Variants in ANK3 observed in about 807,000 individuals in gnomAD.
The protein encoded by ANK3 is ankyrin-3.
In ANK3, 57 loss-of-function variants were observed where a neutral mutation model predicts 370.9. That is an observed-to-expected ratio of 0.15 (90% CI 0.12 to 0.19). The LOEUF is 0.19. ANK3 is among the 10% of genes least tolerant of loss of function. ANK3 has a pLI of 1.00. For missense variants in ANK3, 4,439 were observed against 5,302.1 expected, an observed-to-expected ratio of 0.84 and a Z score of 5.06; for synonymous variants, 1,929 against 1,946.3, an observed-to-expected ratio of 0.99 and a Z score of 0.23.
At chr10:60,392,907 T>C (rs555222994), upstream of ANK3, among the ~76,000 whole-genome samples, 1 of 151,776 alleles carries the variant, frequency 6.6e-6, no homozygotes, top group Non-Finnish European at 1.5e-5. Flanking sequence ...CCAGTCTGGG[T>C]GACAGAGCAA....
At position 60,084,376 on chromosome 10, in the gene ANK3, A is replaced by C; in HGVS notation, c.4074+226T>G. Reference sequence around the variant, plus strand: ...AGCTGAGACCGCGCCACTGCACTCCAGCCTCGGCAACAGAGCAAGGCTCCG... The same window carrying C: ...AGCTGAGACCGCGCCACTGCACTCCCGCCTCGGCAACAGAGCAAGGCTCCG... On this transcript the variant is annotated intron_variant, in intron 32 of 43. Transcript: ENST00000280772. 4.7e-5 allele frequency: 9 copies of C among 192,260 alleles called. No homozygotes were observed. The East Asian group carries it at 4.8e-4, about 10-fold the overall frequency. 11.9% of individuals were successfully genotyped at this position (192,260 alleles called of 1,614,324 possible). A position where few individuals can be genotyped will look rare whatever the true frequency, so the allele number is the denominator to read the frequency against.
At chr10:60,454,538 G>C (rs879662614) in intron 2 of ANK3, among the ~76,000 whole-genome samples, 4 of 152,046 alleles carry the variant, frequency 2.6e-5, no homozygotes, top group Non-Finnish European at 4.4e-5. Flanking sequence ...AGGGAAGAAG[G>C]CCAGGACAGT....
chr10:60,421,417 C>G (rs1472989212), intron 2 of ANK3, among the ~76,000 whole-genome samples: 3 of 152,022 alleles, frequency 2.0e-5, no homozygotes, highest in Non-Finnish European at 4.4e-5. Flanking sequence ...GTTGCAATCT[C>G]TGAGTACTCC....
intron 2 of ANK3, among the ~76,000 whole-genome samples, chr10:60,594,638 AT>A (rs1215357246): frequency 6.6e-6 from 1 of 152,174 alleles, no homozygotes; most frequent in Non-Finnish European, 1.5e-5. Context: ...TGTGAAAAAA[AT>A]ATATATAAGA....
chr10:60,315,178 G>A (rs1006363298), intron 1 of ANK3, among the ~76,000 whole-genome samples: 1 of 152,124 alleles, frequency 6.6e-6, no homozygotes, highest in Admixed American at 6.5e-5. Context: ...GAACTGTAGG[G>A]CCAGAGATAG....
At chr10:60,234,602 C>G in intron 8 of ANK3, 86 bp downstream of exon 8, 2 of 741,910 alleles carry the variant, frequency 2.7e-6, no homozygotes, top group South Asian at 3.2e-5. Flanking sequence ...AAACAAAGCT[C>G]ATGTTGTATC....
intron 1 of ANK3, among the ~76,000 whole-genome samples, chr10:60,724,167 G>A (rs896911582): frequency 2.6e-5 from 3 of 114,760 alleles, no homozygotes; most frequent in Admixed American, 1.2e-4. Context: ...CCGAGATCGC[G>A]CCACTGCACT....
chr10:60,290,910 G>T (rs1033075244), intron 1 of ANK3, among the ~76,000 whole-genome samples: 4 of 152,116 alleles, frequency 2.6e-5, no homozygotes, highest in African/African-American at 9.7e-5. Flanking sequence ...GTGTTTTCAA[G>T]AGATTTACCT....
chr10:60,430,746 G>T (rs535723679), intron 2 of ANK3, among the ~76,000 whole-genome samples: 1 of 152,164 alleles, frequency 6.6e-6, no homozygotes, highest in East Asian at 1.9e-4. Context: ...TCATTTCTCA[G>T]AAGGCTAAGT....
At chr10:60,470,978 A>T (rs1333673627) in intron 2 of ANK3, among the ~76,000 whole-genome samples, 1 of 152,006 alleles carries the variant, frequency 6.6e-6, no homozygotes, top group Non-Finnish European at 1.5e-5. Context: ...TATGTCTTTT[A>T]TCTCCCCTGG....
intron 1 of ANK3, among the ~76,000 whole-genome samples, chr10:60,327,654 G>T (rs767006456): frequency 6.6e-6 from 1 of 152,166 alleles, no homozygotes; most frequent in African/African-American, 2.4e-5. Context: ...ACTAGTAGAC[G>T]TTCCTCACTC....
intron 32 of ANK3, chr10:60,083,827 CA>C: frequency 2.3e-6 from 1 of 426,968 alleles, no homozygotes; most frequent in Non-Finnish European, 4.1e-6. Context: ...TGGACATATA[CA>C]GAACAGAATT....
At chr10:60,226,575 T>C (rs1469281102) in intron 8 of ANK3, among the ~76,000 whole-genome samples, 1 of 67,974 alleles carries the variant, frequency 1.5e-5, no homozygotes, top group African/African-American at 5.8e-5. Flanking sequence ...ATAGTATATG[T>C]ATATATACTA....
At chr10:60,166,484 TA>T in intron 23 of ANK3, 106 bp downstream of exon 23, 1 of 822,724 alleles carries the variant, frequency 1.2e-6, no homozygotes, top group Non-Finnish European at 2.0e-6. Flanking sequence ...AATCTCAAGA[TA>T]ATATGAAAAG....
chr10:60,520,096 T>C (rs1031691834), intron 2 of ANK3, among the ~76,000 whole-genome samples: 10 of 152,088 alleles, frequency 6.6e-5, no homozygotes, highest in South Asian at 2.1e-4. Context: ...GAATACTACA[T>C]AGTCATCAAA....
intron 2 of ANK3, among the ~76,000 whole-genome samples, chr10:60,486,683 C>T (rs2075357951): frequency 6.6e-6 from 1 of 152,190 alleles, no homozygotes. Context: ...TCCAATCCCT[C>T]TGCAGTCAAG....
At chr10:60,705,138 T>C (rs1448401365) in intron 1 of ANK3, among the ~76,000 whole-genome samples, 1 of 152,214 alleles carries the variant, frequency 6.6e-6, no homozygotes, top group Non-Finnish European at 1.5e-5. Context: ...AAGGCTGAGA[T>C]TTCTCAGAAT....
At chr10:60,144,101 G>A in intron 23 of ANK3, 2 of 321,532 alleles carry the variant, frequency 6.2e-6, no homozygotes, top group Middle Eastern at 4.0e-4. Flanking sequence ...CTCAGCTGCT[G>A]ACTGCAATCT....
chr10:60,091,316 C>G (rs1045271760), intron 28 of ANK3, among the ~76,000 whole-genome samples: 4 of 152,164 alleles, frequency 2.6e-5, no homozygotes, highest in African/African-American at 9.7e-5. Context: ...AGTTAGTAAA[C>G]AGAATGATTC....
Sources: gnomAD v4.1 joint callset for allele counts (sites outside exome capture counted in the v4.1 genomes callset) on GRCh38, gnomAD v4.1.1 for gene constraint, MANE v1.5 for transcripts, NCBI Gene and HGNC (gene_info 2026-07-23, HGNC 2026-07-21) for gene names.